Variants in CNST observed in about 807,000 individuals in gnomAD.
The protein encoded by CNST is consortin, connexin sorting protein.
In CNST, 39 loss-of-function variants were observed where a neutral mutation model predicts 72.4. The ratio of observed to expected loss-of-function variants is 0.54; its 90% CI spans 0.42 to 0.70. CNST has a LOEUF of 0.70. Ranked by LOEUF, CNST falls within the 30% of genes least tolerant of loss-of-function variation. The pLI is 0.00. For synonymous variants in CNST, 332 were observed against 320.1 expected (o/e 1.04, Z -0.40); for missense variants, 871 against 868.5 (o/e 1.00, Z -0.04).
intron 2 of CNST, among the ~76,000 whole-genome samples, chr1:246,603,377 C>T (rs567814737): frequency 3.3e-5 from 5 of 152,184 alleles, no homozygotes; most frequent in Non-Finnish European, 7.4e-5. Flanking sequence ...TCTGTTTACT[C>T]CTTTTGTTTT....
intron 10 of CNST, among the ~76,000 whole-genome samples, chr1:246,660,757 T>C (rs1185269834): frequency 1.3e-5 from 2 of 152,070 alleles, no homozygotes; most frequent in Non-Finnish European, 2.9e-5. Context: ...TAAAAGAATA[T>C]GTCAGTTTAG....
At chr1:246,592,795 A>G (rs1661629972) in intron 2 of CNST, among the ~76,000 whole-genome samples, 1 of 152,252 alleles carries the variant, frequency 6.6e-6, no homozygotes, top group South Asian at 2.1e-4. Context: ...AATTATCTGT[A>G]TCACTTTGGT....
chr1:246,634,432 GT>G (rs1255238194), intron 5 of CNST, 40 bp from the exon 6 acceptor site: 3 of 1,227,006 alleles, frequency 2.4e-6, no homozygotes, highest in Non-Finnish European at 3.5e-6. Flanking sequence ...TCCTAAATAT[GT>G]TTTATAAGAG....
chr1:246,567,455 C>T (rs1251061351), intron 1 of CNST, among the ~76,000 whole-genome samples: 2 of 152,006 alleles, frequency 1.3e-5, no homozygotes, highest in African/African-American at 4.8e-5. Context: ...TTATCCTTAC[C>T]ACCAAGGCAA....
rs1332921511 is a variant in CNST, at chr1:246,647,849, A to G, written c.1648A>G (p.Ser550Gly). Residue 550 changes from serine (S) to glycine (G), a missense_variant, in exon 9 of 11, where the codon AGC becomes GGC. By Grantham distance (56) the Ser-to-Gly change is moderately conservative (BLOSUM62 0). Transcript: ENST00000366513. ...CAAAGAAACAGAAGACTATTTGAAC[A>G]GCCTTTTAGAAGGATGTTTAAAAGA... ...LNKETEDYLN[S>G]LLEGCLKDTE... The G allele has an allele frequency of 1.5e-5, 25 of 1,614,104 alleles. No homozygotes were observed. Among genetic ancestry groups the G allele is most frequent in the Non-Finnish European group, 2.0e-5 (24 of 1,180,056 alleles).
At chr1:246,638,679 A>G (rs1665473061) in intron 6 of CNST, among the ~76,000 whole-genome samples, 1 of 152,174 alleles carries the variant, frequency 6.6e-6, no homozygotes, top group Admixed American at 6.5e-5. Context: ...ACACTATAGC[A>G]TAGCCAGCAT....
intron 1 of CNST, among the ~76,000 whole-genome samples, chr1:246,582,863 T>C (rs1660888632): frequency 1.3e-5 from 2 of 152,204 alleles, no homozygotes; most frequent in South Asian, 2.1e-4. Context: ...TCCAGTGTTA[T>C]CTGCTATATC....
At chr1:246,585,890 G>A (rs1661147704) in intron 1 of CNST, among the ~76,000 whole-genome samples, 1 of 151,796 alleles carries the variant, frequency 6.6e-6, no homozygotes, top group South Asian at 2.1e-4. Context: ...GACCAGCCTG[G>A]GCAACATAGT....
rs571870839 is a variant in CNST at position 246,602,545 on chromosome 1, G to A, written c.379+10604G>A. Reference sequence around the variant, plus strand: ...TCCAGGGCTAGCAGTCAAAGAGAGAGAGCACTCAACCTGGAAGTCATACTT... The same window carrying A: ...TCCAGGGCTAGCAGTCAAAGAGAGAAAGCACTCAACCTGGAAGTCATACTT... On this transcript the variant is annotated intron_variant, in intron 2 of 10. Transcript: ENST00000366513. Among the ~76,000 whole-genome samples, 10 of 152,312 alleles carry A rather than the reference G, an allele frequency of 6.6e-5. No individual in the cohort carries two copies. In the South Asian group the frequency reaches 2.1e-3, roughly 32 times the overall value.
intron 2 of CNST, among the ~76,000 whole-genome samples, chr1:246,602,767 C>T (rs1040913033): frequency 5.3e-5 from 8 of 152,088 alleles, no homozygotes; most frequent in East Asian, 1.9e-4. Flanking sequence ...GCAAGGACCC[C>T]GTGAGAATGT....
chr1:246,654,337 C>G (rs187922543), intron 9 of CNST, among the ~76,000 whole-genome samples: 1 of 152,340 alleles, frequency 6.6e-6, no homozygotes. Flanking sequence ...TCCCAGCCCT[C>G]CACATCTAGG....
At chr1:246,637,025 G>T (rs974048370) in intron 6 of CNST, among the ~76,000 whole-genome samples, 5 of 152,212 alleles carry the variant, frequency 3.3e-5, no homozygotes, top group Non-Finnish European at 7.3e-5. Context: ...CACAGCATCG[G>T]ATTGGGTAGA....
intron 10 of CNST, among the ~76,000 whole-genome samples, chr1:246,661,822 CA>C (rs1667119623): frequency 2.0e-5 from 3 of 152,310 alleles, no homozygotes; most frequent in African/African-American, 7.2e-5. Flanking sequence ...GAGGTTTCTG[CA>C]TTTTTACAAT....
intron 2 of CNST, among the ~76,000 whole-genome samples, chr1:246,620,673 G>A (rs1276623633): frequency 1.4e-5 from 2 of 138,244 alleles, no homozygotes; most frequent in Non-Finnish European, 1.6e-5. Flanking sequence ...ACACACGATG[G>A]GCTCTGGGAA....
chr1:246,634,086 A>C (rs1443164442), intron 5 of CNST, 76 bp downstream of exon 5: 8 of 949,264 alleles, frequency 8.4e-6, no homozygotes, highest in Non-Finnish European at 1.4e-5. Context: ...AACATATTTG[A>C]CCTGGTTTTA....
chr1:246,635,913 G>A (rs989731258), intron 6 of CNST, among the ~76,000 whole-genome samples: 4 of 152,164 alleles, frequency 2.6e-5, no homozygotes, highest in African/African-American at 9.7e-5. Context: ...CGAGGGTGTT[G>A]CCCGCCTGCT....
At chr1:246,573,593 T>C (rs1181987840) in intron 1 of CNST, among the ~76,000 whole-genome samples, 1 of 152,062 alleles carries the variant, frequency 6.6e-6, no homozygotes, top group East Asian at 1.9e-4. Flanking sequence ...ACCTAGGGAT[T>C]GCCCGGTGAA....
chr1:246,622,558 G>A (rs574705166), intron 3 of CNST, among the ~76,000 whole-genome samples: 20 of 152,302 alleles, frequency 1.3e-4, no homozygotes, highest in African/African-American at 4.6e-4. Flanking sequence ...TGTTAAAAGA[G>A]GAGGTGAGAT....
intron 2 of CNST, among the ~76,000 whole-genome samples, chr1:246,603,358 T>C (rs1662441169): frequency 6.6e-6 from 1 of 152,180 alleles, no homozygotes; most frequent in South Asian, 2.1e-4. Context: ...AATAGTCACC[T>C]TTTGCTTTTC....
Sources: allele counts gnomAD v4.1 joint callset (sites outside exome capture counted in the v4.1 genomes callset), GRCh38; gene constraint gnomAD v4.1.1; transcripts MANE v1.5; gene names NCBI Gene and HGNC (gene_info 2026-07-23, HGNC 2026-07-21).